The following RIPOR2 variants were observed in gnomAD, a reference collection of about 807,000 sequenced individuals.
RIPOR2 encodes rho family-interacting cell polarization regulator 2.
A neutral mutation model predicts 114.5 loss-of-function variants in RIPOR2; 39 were observed. The ratio of observed to expected loss-of-function variants is 0.34; its 90% CI spans 0.26 to 0.44. The LOEUF is 0.44. RIPOR2 is among the 20% of genes least tolerant of loss of function. The pLI is 1.00. For missense variants in RIPOR2, 1,007 were observed against 1,255.1 expected (o/e 0.80, Z 2.99); for synonymous variants, 445 against 484.4 (o/e 0.92, Z 1.07).
intron 14 of RIPOR2, among the ~76,000 whole-genome samples, chr6:24,837,802 T>G (rs760952546): frequency 2.0e-5 from 3 of 151,040 alleles, no homozygotes; most frequent in Non-Finnish European, 4.4e-5. Flanking sequence ...GTTCTCATGT[T>G]TTTTTTTTTC....
At chr6:25,035,687 C>G (rs142175141) in intron 1 of RIPOR2, among the ~76,000 whole-genome samples, 1 of 152,252 alleles carries the variant, frequency 6.6e-6, no homozygotes, top group South Asian at 2.1e-4. Context: ...TGCCAGATAA[C>G]AGGTGAGCCA....
At chr6:25,024,190 T>G in intron 1 of RIPOR2, 1 of 1,411,556 alleles carries the variant, frequency 7.1e-7, no homozygotes, top group Non-Finnish European at 1.0e-6. Context: ...TTGCTGGCAA[T>G]GCAGGGCCTG....
intron 17 of RIPOR2, among the ~76,000 whole-genome samples, chr6:24,829,311 C>G (rs767201787): frequency 1.3e-5 from 2 of 151,160 alleles, no homozygotes; most frequent in Non-Finnish European, 2.9e-5. Context: ...GAGACTCCAT[C>G]TCAAAATAAA....
intron 1 of RIPOR2, among the ~76,000 whole-genome samples, chr6:24,970,267 C>T (rs1328736170): frequency 6.6e-6 from 1 of 152,186 alleles, no homozygotes; most frequent in Non-Finnish European, 1.5e-5. Context: ...TCCCTTACTC[C>T]TTCTCCCCTA....
intron 1 of RIPOR2, among the ~76,000 whole-genome samples, chr6:24,893,065 T>G (rs1375873382): frequency 6.6e-6 from 1 of 152,126 alleles, no homozygotes; most frequent in Non-Finnish European, 1.5e-5. Context: ...GTGTGCATAC[T>G]CTTGAGATGC....
chr6:24,879,242 A>C (rs1465270662), intron 1 of RIPOR2, among the ~76,000 whole-genome samples: 1 of 152,158 alleles, frequency 6.6e-6, no homozygotes, highest in Non-Finnish European at 1.5e-5. Context: ...GGGATTACAG[A>C]GGCTGAGGCA....
chr6:24,847,559 C>G (rs1388145567), intron 12 of RIPOR2: 2 of 1,551,622 alleles, frequency 1.3e-6, no homozygotes, highest in South Asian at 2.4e-5. Flanking sequence ...TCTAGCACGG[C>G]CTTGGGACTC....
intron 1 of RIPOR2, among the ~76,000 whole-genome samples, chr6:24,989,908 T>C (rs916352246): frequency 9.2e-5 from 14 of 151,840 alleles, no homozygotes; most frequent in African/African-American, 2.7e-4. Context: ...TGGGCGCCTG[T>C]AATCCTAGCT....
chr6:24,850,812 C>T, intron 9 of RIPOR2, 90 bp from the exon 10 acceptor site: 3 of 1,416,882 alleles, frequency 2.1e-6, no homozygotes. Context: ...GACCTAAAGC[C>T]ACTGCTGCCC....
chr6:25,038,533 A>G (rs1777347268), intron 1 of RIPOR2, among the ~76,000 whole-genome samples: 1 of 152,230 alleles, frequency 6.6e-6, no homozygotes, highest in Non-Finnish European at 1.5e-5. Context: ...GGCCTTGAGG[A>G]AGCAAACTAC....
intron 14 of RIPOR2, among the ~76,000 whole-genome samples, chr6:24,836,369 C>T (rs777256356): frequency 3.9e-5 from 6 of 152,170 alleles, no homozygotes; most frequent in Non-Finnish European, 8.8e-5. Flanking sequence ...TGATGTTCTA[C>T]TCTGGACAAA....
At chr6:24,917,293 T>G (rs569750113) in intron 1 of RIPOR2, among the ~76,000 whole-genome samples, 26 of 152,342 alleles carry the variant, frequency 1.7e-4, no homozygotes, top group Admixed American at 3.3e-4. Context: ...GTTCACATTT[T>G]GAGAATCAGT....
chr6:24,821,331 C>T (rs56890646), intron 19 of RIPOR2, among the ~76,000 whole-genome samples: 45,904 of 151,678 alleles, frequency 0.3, 7,899 homozygotes, highest in East Asian at 0.69. Context: ...TACAGGCATG[C>T]TCCACCATGC....
intron 6 of RIPOR2, among the ~76,000 whole-genome samples, chr6:24,868,179 A>G (rs969524300): frequency 6.6e-6 from 1 of 152,210 alleles, no homozygotes; most frequent in Non-Finnish European, 1.5e-5. Context: ...ATACATACAA[A>G]TCATCCTAGA....
intron 8 of RIPOR2, among the ~76,000 whole-genome samples, chr6:24,860,399 T>G (rs375084027): frequency 6.6e-5 from 10 of 152,226 alleles, no homozygotes; most frequent in African/African-American, 1.7e-4. Context: ...TTGTAATGCA[T>G]GGACCTTGTT....
At chr6:24,877,248 A>C in intron 1 of RIPOR2, 7 of 985,418 alleles carry the variant, frequency 7.1e-6, no homozygotes, top group Non-Finnish European at 7.2e-6. Flanking sequence ...TTACTTCCCC[A>C]GAGAGAGAAG....
intron 13 of RIPOR2, among the ~76,000 whole-genome samples, chr6:24,841,429 C>T (rs896025632): frequency 3.3e-5 from 5 of 152,006 alleles, no homozygotes; most frequent in Admixed American, 6.6e-5. Context: ...ATGCCATCAA[C>T]TGAACTATCT....
intron 14 of RIPOR2, 76 bp downstream of exon 14, chr6:24,839,015 C>T (rs1447114212): frequency 8.3e-7 from 1 of 1,208,632 alleles, no homozygotes; most frequent in Admixed American, 2.4e-5. Flanking sequence ...GTACCAGGTC[C>T]CCTCTGACAG....
intron 9 of RIPOR2, among the ~76,000 whole-genome samples, 178 bp from the exon 10 acceptor site, chr6:24,850,900 T>C (rs1762830315): frequency 6.8e-6 from 1 of 146,132 alleles, no homozygotes; most frequent in African/African-American, 2.5e-5. Flanking sequence ...GGAGGAGACT[T>C]TTTTTTTTTT....
Sources: allele counts gnomAD v4.1 joint callset (sites outside exome capture counted in the v4.1 genomes callset), GRCh38; gene constraint gnomAD v4.1.1; transcripts MANE v1.5; gene names NCBI Gene and HGNC (gene_info 2026-07-23, HGNC 2026-07-21).